BCAR3: variants seen among roughly 807,000 people sequenced by gnomAD.
The protein encoded by BCAR3 is breast cancer anti-estrogen resistance protein 3.
BCAR3 carries 37 observed loss-of-function variants against 80.1 expected under a neutral mutation model. That is an observed-to-expected ratio of 0.46 (90% CI 0.36 to 0.61). BCAR3 has a LOEUF of 0.61. BCAR3 is among the 20% of genes least tolerant of loss of function. BCAR3 has a pLI of 0.00. For synonymous variants in BCAR3, 389 were observed against 418.9 expected, an observed-to-expected ratio of 0.93 and a Z score of 0.87; for missense variants, 978 against 1,068.2, an observed-to-expected ratio of 0.92 and a Z score of 1.18.
intron 2 of BCAR3, among the ~76,000 whole-genome samples, chr1:93,836,009 C>T (rs1443527278): frequency 2.0e-5 from 3 of 152,198 alleles, no homozygotes; most frequent in Non-Finnish European, 4.4e-5. Context: ...GCAGAACCTT[C>T]ATACCCCTTA....
At chr1:93,631,528 T>C (rs1330191939) in intron 3 of BCAR3, among the ~76,000 whole-genome samples, 7 of 152,058 alleles carry the variant, frequency 4.6e-5, no homozygotes, top group Non-Finnish European at 1.5e-5. Context: ...ACAGTGACTA[T>C]TGGGGTGGCA....
At chr1:93,634,241 C>G (rs183538) in intron 3 of BCAR3, among the ~76,000 whole-genome samples, 7,008 of 152,214 alleles carry the variant, frequency 0.046, 254 homozygotes, top group East Asian at 0.12. Flanking sequence ...CAAGATTCAC[C>G]CATGATATGG....
At chr1:93,680,441 G>A (rs1193794921) in intron 1 of BCAR3, among the ~76,000 whole-genome samples, 2 of 152,074 alleles carry the variant, frequency 1.3e-5, no homozygotes, top group African/African-American at 2.4e-5. Context: ...ATTGTTACCC[G>A]GGTAGCCCCT....
chr1:93,719,175 G>A (rs1392618597), intron 2 of BCAR3, among the ~76,000 whole-genome samples: 3 of 152,048 alleles, frequency 2.0e-5, no homozygotes, highest in Non-Finnish European at 4.4e-5. Context: ...TCATCTCCAG[G>A]TTCTCATAGA....
chr1:93,841,192 T>C (rs751250584), intron 2 of BCAR3, among the ~76,000 whole-genome samples: 2 of 152,204 alleles, frequency 1.3e-5, no homozygotes, highest in Non-Finnish European at 2.9e-5. Context: ...TTCCGGATCT[T>C]TGCCCCACTG....
At chr1:93,694,486 T>C (rs1649317017) in intron 3 of BCAR3, among the ~76,000 whole-genome samples, 1 of 152,182 alleles carries the variant, frequency 6.6e-6, no homozygotes, top group African/African-American at 2.4e-5. Flanking sequence ...CACTCCACTC[T>C]CCATGGCTCT....
chr1:93,777,508 C>G (rs1652613849), intron 2 of BCAR3, among the ~76,000 whole-genome samples: 1 of 151,450 alleles, frequency 6.6e-6, no homozygotes, highest in Middle Eastern at 3.2e-3. Context: ...CCTCCTCCTC[C>G]TCCACCTCTT....
intron 2 of BCAR3, among the ~76,000 whole-genome samples, chr1:93,829,621 G>A (rs1015928059): frequency 6.6e-6 from 1 of 151,690 alleles, no homozygotes; most frequent in Non-Finnish European, 1.5e-5. Context: ...AAAGTGCTGG[G>A]ATTACAGGCA....
At chr1:93,727,838 G>A (rs1215967070) in intron 2 of BCAR3, among the ~76,000 whole-genome samples, 1 of 152,156 alleles carries the variant, frequency 6.6e-6, no homozygotes, top group African/African-American at 2.4e-5. Flanking sequence ...AATCTTATTT[G>A]GAAAAACTAT....
intron 11 of BCAR3, among the ~76,000 whole-genome samples, chr1:93,564,797 G>A (rs1672875550): frequency 6.6e-6 from 1 of 152,114 alleles, no homozygotes; most frequent in Admixed American, 6.5e-5. Context: ...TGGCACCTTT[G>A]TTGAAAATCA....
At chr1:93,752,895 G>A (rs1651611286) in intron 2 of BCAR3, 1 of 152,234 alleles carries the variant, frequency 6.6e-6, no homozygotes, top group Non-Finnish European at 1.5e-5. Context: ...TTTGTTTGTT[G>A]TTTGTTTAGG....
rs775633367 is a variant in BCAR3, at chr1:93,562,425, G to A, written c.2300-6C>T. 2.5e-6 allele frequency: 4 copies of A among 1,611,940 alleles called. No individual in the cohort carries two copies. Among genetic ancestry groups the A allele is most frequent in the South Asian group, 1.1e-5 (1 of 90,846 alleles). ...TTCTTCATCTGGTTGAAAACCTAATGAAACAAAATAAACAAAAAGTTACTT... is the reference window on the plus strand; with the variant it reads ...TTCTTCATCTGGTTGAAAACCTAATAAAACAAAATAAACAAAAAGTTACTT... On this transcript the variant is annotated splice_polypyrimidine_tract_variant and splice_region_variant and intron_variant, in intron 11 of 11. Coordinates refer to ENST00000260502, the MANE Select transcript of BCAR3 (RefSeq NM_003567.4).
intron 2 of BCAR3, among the ~76,000 whole-genome samples, chr1:93,764,469 C>A (rs796554286): frequency 7.2e-4 from 109 of 152,238 alleles, no homozygotes; most frequent in African/African-American, 2.5e-3. Flanking sequence ...CACCCCAGCC[C>A]AGGCACCAAG....
At chr1:93,659,775 G>A (rs1042123529) in intron 2 of BCAR3, among the ~76,000 whole-genome samples, 9 of 151,942 alleles carry the variant, frequency 5.9e-5, no homozygotes, top group Non-Finnish European at 1.3e-4. Context: ...TAGGCCTGGG[G>A]TCCCCATCCT....
Position 93,592,576 on chromosome 1 carries a change from T to A in BCAR3, c.358-183A>T. 1.3e-6 allele frequency: 1 copy of A among 766,686 alleles called. No individual in the cohort carries two copies. The highest frequency in any genetic ancestry group is 2.0e-6 in the Non-Finnish European group (1 of 510,224). 47.5% of individuals were successfully genotyped at this position (766,686 alleles called of 1,614,324 possible). ...CGTTTCTCCGGCCGCAACCATGTAA[T>A]AAAATTTTCACCTGCACATGGGGAC... On this transcript the variant is annotated intron_variant, in intron 3 of 11. Coordinates refer to ENST00000260502, the MANE Select transcript of BCAR3 (RefSeq NM_003567.4). The surrounding 1 kb of genome is among the most constrained non-coding windows in gnomAD (Gnocchi z 4.8).
intron 11 of BCAR3, among the ~76,000 whole-genome samples, chr1:93,565,176 C>T (rs1316388480): frequency 6.6e-6 from 1 of 151,620 alleles, no homozygotes; most frequent in Non-Finnish European, 1.5e-5. Flanking sequence ...CAAGGAGAAT[C>T]GCTTGATACT....
At position 93,768,190 on chromosome 1, in the gene BCAR3, G is replaced by A. The variant is rs377466279; in HGVS notation, c.-62-62048C>T. On this transcript the variant is annotated intron_variant, in intron 2 of 13. Coordinates refer to the BCAR3 transcript ENST00000370244. ...CGAATGACCCCATTTGCAGAGAGAC[G>A]TTGTGCTGGAGAAGCCAAGTGCCAA... Among the ~76,000 whole-genome samples, 11 of 152,278 alleles carry A rather than the reference G, an allele frequency of 7.2e-5. No homozygotes were observed. In the East Asian group the frequency reaches 7.7e-4, roughly 11 times the overall value.
intron 3 of BCAR3, among the ~76,000 whole-genome samples, chr1:93,619,704 TA>T (rs1433880364): frequency 6.6e-6 from 1 of 152,182 alleles, no homozygotes; most frequent in African/African-American, 2.4e-5. Context: ...CTGGAGGCCT[TA>T]CCAGCCAGGA....
Position 93,676,780 on chromosome 1 carries a change from C to T in BCAR3, c.-11-1839G>A, listed in dbSNP as rs370685218. On this transcript the variant is annotated intron_variant, in intron 1 of 11. Transcript: ENST00000260502. ...AGGACTGGGTCATTTCAAAGAACCTCGTGGGGAGGCCTGCAGCACCCTACA... is the reference window on the plus strand; with the variant it reads ...AGGACTGGGTCATTTCAAAGAACCTTGTGGGGAGGCCTGCAGCACCCTACA... 4.6e-5 allele frequency among the ~76,000 whole-genome samples: 7 copies of T among 152,330 alleles called. 1 individual carries two copies. Among genetic ancestry groups the T allele is most frequent in the South Asian group, 4.1e-4 (2 of 4,828 alleles).
Sources: allele counts gnomAD v4.1 joint callset (sites outside exome capture counted in the v4.1 genomes callset), GRCh38; gene constraint gnomAD v4.1.1; non-coding constraint Gnocchi (gnomAD v3.1); transcripts MANE v1.5; gene names NCBI Gene and HGNC (gene_info 2026-07-23, HGNC 2026-07-21).